The following GRIK1 variants were observed in gnomAD, a reference collection of about 807,000 sequenced individuals.
GRIK1 encodes the protein glutamate receptor ionotropic, kainate 1.
Under a neutral mutation model 105.7 loss-of-function variants are expected in GRIK1, and 69 were observed. That is an observed-to-expected ratio of 0.65 (90% CI 0.54 to 0.80). The LOEUF is 0.80. Ranked by LOEUF, GRIK1 falls within the 30% of genes least tolerant of loss-of-function variation. The pLI is 0.00. For synonymous variants in GRIK1, 438 were observed against 431.3 expected (o/e 1.02, Z -0.19); for missense variants, 1,109 against 1,167.3 (o/e 0.95, Z 0.73).
At chr21:29,624,261 TCCTTGATTAGAA>T (rs1158488739) in intron 7 of GRIK1, among the ~76,000 whole-genome samples, 1 of 152,196 alleles carries the variant, frequency 6.6e-6, no homozygotes, top group Non-Finnish European at 1.5e-5. Flanking sequence ...ATGCTGTCAT[TCCTTGATTAGAA>T]CCTTTTTTGG....
intron 1 of GRIK1, among the ~76,000 whole-genome samples, chr21:29,840,965 A>G (rs985520407): frequency 4.6e-5 from 7 of 152,168 alleles, no homozygotes; most frequent in African/African-American, 1.4e-4. Context: ...TAGCAACTGG[A>G]TGATTACAAT....
At chr21:29,866,328 A>C (rs996900096) in intron 1 of GRIK1, among the ~76,000 whole-genome samples, 1 of 152,108 alleles carries the variant, frequency 6.6e-6, no homozygotes, top group African/African-American at 2.4e-5. Flanking sequence ...AGCCTCCCAA[A>C]GTGCTGAGAT....
chr21:29,560,499 C>CTTT (rs1247459732), intron 15 of GRIK1, among the ~76,000 whole-genome samples: 1 of 12,044 alleles, frequency 8.3e-5, no homozygotes, highest in African/African-American at 4.6e-4. Flanking sequence ...TTCTTTCTTT[C>CTTT]CTTCCTTCCT....
chr21:29,902,567 C>A (rs1189386974), intron 1 of GRIK1, among the ~76,000 whole-genome samples: 1 of 152,074 alleles, frequency 6.6e-6, no homozygotes, highest in Non-Finnish European at 1.5e-5. Flanking sequence ...AATCAAATAC[C>A]TAGGAATACA....
chr21:29,901,789 C>T (rs773728831), intron 1 of GRIK1, among the ~76,000 whole-genome samples: 11 of 152,148 alleles, frequency 7.2e-5, no homozygotes, highest in Non-Finnish European at 1.2e-4. Flanking sequence ...CTCCCAAACT[C>T]ATTTTATGAG....
At chr21:29,545,207 G>A (rs1255223317) in intron 16 of GRIK1, among the ~76,000 whole-genome samples, 1 of 152,242 alleles carries the variant, frequency 6.6e-6, no homozygotes, top group East Asian at 1.9e-4. Flanking sequence ...AGAGAACAGA[G>A]AGATATTCCT....
At chr21:29,913,336 G>T (rs2146300106) in intron 1 of GRIK1, among the ~76,000 whole-genome samples, 1 of 152,166 alleles carries the variant, frequency 6.6e-6, no homozygotes, top group African/African-American at 2.4e-5. Flanking sequence ...TAAAGCACTT[G>T]ACACATGTTA....
At chr21:29,667,863 G>T (rs2063090602) in intron 4 of GRIK1, among the ~76,000 whole-genome samples, 1 of 152,210 alleles carries the variant, frequency 6.6e-6, no homozygotes, top group South Asian at 2.1e-4. Flanking sequence ...GTTCTCCAAA[G>T]AGCCAAATTT....
chr21:29,734,883 C>G (rs954126958), intron 1 of GRIK1, among the ~76,000 whole-genome samples: 1 of 152,178 alleles, frequency 6.6e-6, no homozygotes, highest in African/African-American at 2.4e-5. Flanking sequence ...AGAGAACCTG[C>G]CTCAGTGCAT....
intron 1 of GRIK1, among the ~76,000 whole-genome samples, chr21:29,696,111 A>G (rs1377162002): frequency 6.6e-6 from 1 of 152,178 alleles, no homozygotes; most frequent in African/African-American, 2.4e-5. Context: ...ATAACTAACT[A>G]CAGTGTTGGG....
intron 3 of GRIK1, among the ~76,000 whole-genome samples, chr21:29,675,524 A>T (rs2063249011): frequency 6.6e-6 from 1 of 152,148 alleles, no homozygotes; most frequent in Admixed American, 6.6e-5. Context: ...TATCATGATG[A>T]CTTACATATT....
intron 6 of GRIK1, among the ~76,000 whole-genome samples, chr21:29,649,778 A>G (rs2062694680): frequency 6.6e-6 from 1 of 152,178 alleles, no homozygotes; most frequent in Admixed American, 6.5e-5. Flanking sequence ...GTGTTAACAT[A>G]GCTTCAAACT....
chr21:29,807,154 A>C (rs1460844310), intron 1 of GRIK1, among the ~76,000 whole-genome samples: 1 of 152,190 alleles, frequency 6.6e-6, no homozygotes, highest in Non-Finnish European at 1.5e-5. Context: ...CAATTCTTCA[A>C]GGGATGAGTT....
chr21:29,732,348 A>C (rs1315189802), intron 1 of GRIK1, among the ~76,000 whole-genome samples: 1 of 152,202 alleles, frequency 6.6e-6, no homozygotes, highest in Non-Finnish European at 1.5e-5. Flanking sequence ...AATGGCACAC[A>C]TTATCCACCT....
chr21:29,629,004 T>C (rs1402653682), intron 7 of GRIK1, among the ~76,000 whole-genome samples: 1 of 152,168 alleles, frequency 6.6e-6, no homozygotes, highest in Non-Finnish European at 1.5e-5. Context: ...CAAGATTTAT[T>C]GAGCCCCTAC....
intron 1 of GRIK1, among the ~76,000 whole-genome samples, chr21:29,732,684 G>A (rs572401237): frequency 1.3e-5 from 2 of 152,290 alleles, no homozygotes; most frequent in African/African-American, 4.8e-5. Flanking sequence ...AGAGGATTGG[G>A]AGAGAATAAC....
At chr21:29,822,666 A>G (rs982198256) in intron 1 of GRIK1, among the ~76,000 whole-genome samples, 4 of 151,976 alleles carry the variant, frequency 2.6e-5, no homozygotes, top group Non-Finnish European at 5.9e-5. Context: ...ATATGGATGG[A>G]CTTTCTGGAG....
chr21:29,540,996 T>G (rs2089959929), intron 16 of GRIK1, among the ~76,000 whole-genome samples: 1 of 147,092 alleles, frequency 6.8e-6, no homozygotes, highest in Non-Finnish European at 1.5e-5. Context: ...TTTGACAGAG[T>G]CTCACTCTGT....
At chr21:29,837,859 G>A (rs966623386) in intron 1 of GRIK1, among the ~76,000 whole-genome samples, 1 of 152,168 alleles carries the variant, frequency 6.6e-6, no homozygotes. Context: ...AGCCCCGAGT[G>A]TGGAGAAGCC....
Sources: allele counts gnomAD v4.1 joint callset (sites outside exome capture counted in the v4.1 genomes callset), GRCh38; gene constraint gnomAD v4.1.1; transcripts MANE v1.5; gene names NCBI Gene and HGNC (gene_info 2026-07-23, HGNC 2026-07-21).